UNC45B: variants seen among roughly 807,000 people sequenced by gnomAD.
UNC45B encodes unc-45 myosin chaperone B.
UNC45B carries 78 observed loss-of-function variants against 98.7 expected under a neutral mutation model. That is an observed-to-expected ratio of 0.79 (90% confidence interval 0.66 to 0.95). The LOEUF is 0.95. Ranked by LOEUF, UNC45B falls within the 40% of genes least tolerant of loss-of-function variation. The pLI is 0.00. For synonymous variants in UNC45B, 462 were observed against 480.4 expected (o/e 0.96, Z 0.50); for missense variants, 1,225 against 1,184.9 (o/e 1.03, Z -0.50).
chr17:35,181,019 G>C (rs1178060251), intron 18 of UNC45B, among the ~76,000 whole-genome samples: 1 of 152,044 alleles, frequency 6.6e-6, no homozygotes, highest in Non-Finnish European at 1.5e-5. Flanking sequence ...GTCAAGGAAG[G>C]CTAGACCACT....
chr17:35,181,417 A>G (rs772406646), intron 18 of UNC45B, among the ~76,000 whole-genome samples: 1 of 152,330 alleles, frequency 6.6e-6, no homozygotes, highest in Non-Finnish European at 1.5e-5. Context: ...CATAGGGGCT[A>G]GCGTGAGACC....
At chr17:35,178,303 C>T (rs779117334) in intron 17 of UNC45B, among the ~76,000 whole-genome samples, 1 of 152,204 alleles carries the variant, frequency 6.6e-6, no homozygotes, top group African/African-American at 2.4e-5. Context: ...TGATGATGAG[C>T]ATTTTTTCAT....
chr17:35,183,693 C>T (rs1035053639), intron 19 of UNC45B, 111 bp downstream of exon 19: 11 of 1,197,402 alleles, frequency 9.2e-6, no homozygotes, highest in South Asian at 8.0e-5. Flanking sequence ...AGAAACCCCT[C>T]GCAGCCCCCA....
intron 17 of UNC45B, among the ~76,000 whole-genome samples, chr17:35,178,182 G>C (rs9916800): frequency 6.6e-6 from 1 of 152,138 alleles, no homozygotes; most frequent in Non-Finnish European, 1.5e-5. Context: ...TTACAGGTGT[G>C]AGCCACCGCA....
chr17:35,174,199 G>T (rs758625310), intron 13 of UNC45B, 43 bp from the exon 14 acceptor site: 9 of 1,613,044 alleles, frequency 5.6e-6, no homozygotes, highest in Non-Finnish European at 6.8e-6. Context: ...GATTGGCCTG[G>T]CACCCAGGAC....
chr17:35,174,959 A>AAGAAAGAAAAAGAAAG (rs2092217719), intron 14 of UNC45B, among the ~76,000 whole-genome samples: 1 of 58,434 alleles, frequency 1.7e-5, no homozygotes, highest in Admixed American at 1.8e-4. Flanking sequence ...AAGAAAAAGA[A>AAGAAAGAAAAAGAAAG]AGAGAAAGAA....
chr17:35,148,562 G>C (rs1172504431), intron 2 of UNC45B, 131 bp downstream of exon 2: 2 of 1,095,780 alleles, frequency 1.8e-6, no homozygotes, highest in Admixed American at 5.6e-5. Flanking sequence ...GGTTGGAGAA[G>C]GGTGCCTCCA....
chr17:35,158,278 C>T (rs1309860565), intron 7 of UNC45B, among the ~76,000 whole-genome samples: 1 of 152,238 alleles, frequency 6.6e-6, no homozygotes, highest in African/African-American at 2.4e-5. Flanking sequence ...GATGGCCCTG[C>T]TTGTGTGGCT....
Position 35,186,309 on chromosome 17 carries a change from G to A in UNC45B, c.2540G>A (p.Trp847Ter), listed in dbSNP as rs765460436. ...TTTCCCTGCCTCCAGACAACCCAGT[G>A]GTTGGAGATCCTCCAGCGGCTTTGC... ...CLKMTQVTTQ[W>*]LEILQRLCLH... The change falls in exon 20 of 20, where the codon TGG becomes TAG. Residue 847 changes from tryptophan to a stop codon, truncating the protein, a stop_gained. Transcript: ENST00000394570. LOFTEE classifies it high-confidence loss of function. The A allele has an allele frequency of 3.7e-6, 6 of 1,613,958 alleles. No individual in the cohort carries two copies. Among genetic ancestry groups the A allele is most frequent in the Non-Finnish European group, 5.1e-6 (6 of 1,180,012 alleles).
chr17:35,160,171 G>T (rs563563804), intron 8 of UNC45B, among the ~76,000 whole-genome samples: 1 of 152,162 alleles, frequency 6.6e-6, no homozygotes, highest in African/African-American at 2.4e-5. Flanking sequence ...GAAAGGAGGA[G>T]GTAGGGGAAT....
Position 35,150,035 on chromosome 17 carries a change from C to A in UNC45B, c.206-13C>A. 6.3e-7 allele frequency: 1 copy of A among 1,582,554 alleles called. No individual in the cohort carries two copies. Among genetic ancestry groups the A allele is most frequent in the Non-Finnish European group, 8.6e-7 (1 of 1,163,216 alleles). On this transcript the variant is annotated splice_polypyrimidine_tract_variant and intron_variant, in intron 3 of 19. Coordinates refer to ENST00000394570, the MANE Select transcript of UNC45B (RefSeq NM_001267052.2). ...GCTCCCTAAGGTCCTCATCCCCCGT[C>A]TCCCCTCGATAGCCATCGACATCAA...
At chr17:35,184,972 A>G (rs943164337) in intron 19 of UNC45B, among the ~76,000 whole-genome samples, 1 of 152,116 alleles carries the variant, frequency 6.6e-6, no homozygotes, top group Non-Finnish European at 1.5e-5. Flanking sequence ...TTGAGTTTCT[A>G]TCACTGCTTC....
At chr17:35,158,162 G>T (rs536118265) in intron 7 of UNC45B, among the ~76,000 whole-genome samples, 1 of 152,194 alleles carries the variant, frequency 6.6e-6, no homozygotes, top group Non-Finnish European at 1.5e-5. Flanking sequence ...AGGCCACTGC[G>T]CCCAGCCCTG....
chr17:35,171,199 G>C, intron 12 of UNC45B, 123 bp from the exon 13 acceptor site: 1 of 1,253,208 alleles, frequency 8.0e-7, no homozygotes, highest in South Asian at 1.4e-5. Context: ...CCTCAGAATG[G>C]GCCCTACCAG....
chr17:35,157,165 A>G (rs1386287205), intron 7 of UNC45B, among the ~76,000 whole-genome samples: 1 of 152,106 alleles, frequency 6.6e-6, no homozygotes, highest in Non-Finnish European at 1.5e-5. Flanking sequence ...TCCAATTTGC[A>G]TGTTTATACA....
rs765914073 is a variant in UNC45B at position 35,152,883 on chromosome 17, C to T, written c.382-10C>T. The T allele has an allele frequency of 2.5e-6, 4 of 1,613,138 alleles. No individual in the cohort carries two copies. In the East Asian group the frequency reaches 6.7e-5, roughly 27 times the overall value. ...CCTGCCTCCTTCCCCACTCCCTCCT[C>T]TCTCCTCAGCTCCGAGTGCAGTTCT... On this transcript the variant is annotated splice_polypyrimidine_tract_variant and intron_variant, in intron 4 of 19. Transcript: ENST00000394570.
Position 35,177,032 on chromosome 17 carries a change from G to A in UNC45B, c.2041G>A (p.Ala681Thr), listed in dbSNP as rs2092238971. 1 of 1,614,016 alleles carries A rather than the reference G, an allele frequency of 6.2e-7. No individual in the cohort carries two copies. The highest frequency in any genetic ancestry group is 1.1e-5 in the South Asian group (1 of 91,088). Residue 681 changes from alanine to threonine, a missense_variant, in exon 16 of 20, where the codon GCT (alanine) becomes ACT (threonine). Physicochemically the swap from Ala to Thr is moderately conservative, Grantham distance 58. Coordinates refer to ENST00000394570, the MANE Select transcript of UNC45B (RefSeq NM_001267052.2). ...QGGGKALIPLALEGTDVGKVK... is the reference protein window; with the variant it reads ...QGGGKALIPLTLEGTDVGKVK... ...TTTCTTGCAGGCCCTGATTCCCCTG[G>A]CTTTGGAGGGCACAGATGTGGGCAA...
At chr17:35,147,995 C>T (rs759858375) in intron 1 of UNC45B, 85 bp downstream of exon 1, 27 of 464,942 alleles carry the variant, frequency 5.8e-5, no homozygotes, top group Non-Finnish European at 9.0e-5. Flanking sequence ...AGGCCTTTGG[C>T]ACAAACTAAG....
intron 10 of UNC45B, among the ~76,000 whole-genome samples, 168 bp downstream of exon 10, chr17:35,168,529 G>T (rs889851957): frequency 1.3e-5 from 2 of 152,150 alleles, no homozygotes; most frequent in African/African-American, 4.8e-5. Flanking sequence ...CAGGGGGCTT[G>T]TGAGGATGTA....
Sources: allele counts gnomAD v4.1 joint callset (sites outside exome capture counted in the v4.1 genomes callset), GRCh38; gene constraint gnomAD v4.1.1; transcripts MANE v1.5; gene names NCBI Gene and HGNC (gene_info 2026-07-23, HGNC 2026-07-21).